The following MYB variants were observed in gnomAD, a reference collection of about 807,000 sequenced individuals.
MYB encodes the protein transcriptional activator Myb.
Under a neutral mutation model 92.9 loss-of-function variants are expected in MYB, and 28 were observed. The observed-to-expected ratio is 0.30, with a 90% CI of 0.22 to 0.41. The LOEUF (loss-of-function observed/expected upper bound fraction) is 0.41, where lower values mean the gene tolerates loss of function less well. Ranked by LOEUF, MYB falls within the 10% of genes least tolerant of loss-of-function variation. MYB has a pLI of 1.00. For synonymous variants in MYB, 295 were observed against 329.1 expected, an observed-to-expected ratio of 0.90 and a Z score of 1.12; for missense variants, 679 against 929.3, an observed-to-expected ratio of 0.73 and a Z score of 3.50.
chr6:135,210,750 A>T (rs1779593981), intron 15 of MYB, among the ~76,000 whole-genome samples: 1 of 152,172 alleles, frequency 6.6e-6, no homozygotes. Context: ...TTCACTCATC[A>T]CACAGGTTAC....
At chr6:135,205,229 CTT>C (rs1219667393) in intron 15 of MYB, among the ~76,000 whole-genome samples, 20 of 134,732 alleles carry the variant, frequency 1.5e-4, no homozygotes, top group Admixed American at 3.0e-4. Context: ...AAAGCTTTTG[CTT>C]TTTTTTTTTT....
At chr6:135,211,339 A>G (rs2128318016) in intron 15 of MYB, among the ~76,000 whole-genome samples, 1 of 151,964 alleles carries the variant, frequency 6.6e-6, no homozygotes, top group South Asian at 2.1e-4. Context: ...TAAATTAAGC[A>G]GCTTTTCTGT....
chr6:135,210,463 A>T (rs981067561), intron 15 of MYB, among the ~76,000 whole-genome samples: 1 of 152,262 alleles, frequency 6.6e-6, no homozygotes, highest in African/African-American at 2.4e-5. Context: ...CAAAGAATTT[A>T]AAAATGTTGC....
Position 135,197,089 on chromosome 6 carries a change from A to AG in MYB, c.1334dup (p.Glu446ArgfsTer3). 9.3e-6 allele frequency: 15 copies of AG among 1,614,054 alleles called. No individual in the cohort carries two copies. Among genetic ancestry groups the AG allele is most frequent in the Non-Finnish European group, 1.2e-5 (14 of 1,179,896 alleles). On this transcript the variant is annotated frameshift_variant, in exon 10 of 16. Coordinates refer to ENST00000341911, the MANE Select transcript of MYB (RefSeq NM_001130173.2). LOFTEE classifies it high-confidence loss of function. Reference sequence around the variant, plus strand: ...GAGAGGGCAATGGGACTAAACCTGCAGGAGAACCTAGCCCAAGGGTGAACA... The same window carrying AG: ...GAGAGGGCAATGGGACTAAACCTGCAGGGAGAACCTAGCCCAAGGGTGAACA...
chr6:135,218,485 A>G lies in MYB; in HGVS notation c.*505A>G, dbSNP rs948528579. 5.4e-6 allele frequency: 1 copy of G among 185,648 alleles called. No homozygotes were observed. The highest frequency in any genetic ancestry group is 2.3e-5 in the African/African-American group (1 of 42,726). The allele number at this position is 185,648 out of a possible 1,614,324, so 11.5% of individuals were successfully genotyped here. Reference sequence around the variant, plus strand: ...TGTAAATGCTCATTTATGGTTAATGACATTGAAGGTACATTTATTGTACCA... The same window carrying G: ...TGTAAATGCTCATTTATGGTTAATGGCATTGAAGGTACATTTATTGTACCA... On this transcript the variant is annotated 3_prime_UTR_variant, in exon 16 of 16. Coordinates refer to ENST00000341911, the MANE Select transcript of MYB (RefSeq NM_001130173.2).
intron 15 of MYB, among the ~76,000 whole-genome samples, chr6:135,217,214 C>T (rs1780571455): frequency 6.6e-6 from 1 of 151,896 alleles, no homozygotes; most frequent in Non-Finnish European, 1.5e-5. Context: ...ACAGAAAATA[C>T]AAAAATTAGT....
intron 9 of MYB, 167 bp from the exon 10 acceptor site, chr6:135,196,794 C>G: frequency 6.4e-7 from 1 of 1,559,060 alleles, no homozygotes; most frequent in South Asian, 1.1e-5. Context: ...CTAGACCCTG[C>G]TCTACTGCAG....
intron 8 of MYB, chr6:135,194,976 T>G: frequency 1.5e-6 from 2 of 1,339,388 alleles, no homozygotes; most frequent in Non-Finnish European, 2.0e-6. Context: ...GGGCCATTAC[T>G]GAATTCTGAC....
intron 15 of MYB, among the ~76,000 whole-genome samples, chr6:135,211,438 T>G (rs1779684388): frequency 6.6e-6 from 1 of 151,992 alleles, no homozygotes; most frequent in Non-Finnish European, 1.5e-5. Context: ...CCAGACATTT[T>G]GAGATGTGAA....
intron 7 of MYB, 54 bp from the exon 8 acceptor site, chr6:135,194,302 T>C: frequency 7.4e-7 from 1 of 1,355,452 alleles, no homozygotes; most frequent in Non-Finnish European, 1.0e-6. Flanking sequence ...ACCCATTGTA[T>C]TTGCAGCTTC....
In MYB at chr6:135,209,440, G is replaced by C. The variant is rs185515159; in HGVS notation, c.2169+6116G>C. 3.9e-3 allele frequency among the ~76,000 whole-genome samples: 588 copies of C among 152,170 alleles called. 1 individual carries two copies. Among genetic ancestry groups the C allele is most frequent in the Admixed American group, 6.0e-3 (92 of 15,282 alleles). ...GTAGAGACATGGTTTCACCATGTTG[G>C]CCAGGCCAGGCTCAAACTCCCAACC... On this transcript the variant is annotated intron_variant, in intron 15 of 15. Coordinates refer to ENST00000341911, the MANE Select transcript of MYB (RefSeq NM_001130173.2).
Position 135,218,249 on chromosome 6 carries a change from T to TAA in MYB, c.*269_*270insAA, listed in dbSNP as rs536173968. The TAA allele has an allele frequency of 6.1e-6, 2 of 329,714 alleles. No individual in the cohort carries two copies. The highest frequency in any genetic ancestry group is 1.1e-5 in the Non-Finnish European group (2 of 186,400). The allele number at this position is 329,714 out of a possible 1,614,324, so 20.4% of individuals were successfully genotyped here. A position where few individuals can be genotyped will look rare whatever the true frequency, so the allele number is the denominator to read the frequency against. On this transcript the variant is annotated 3_prime_UTR_variant, in exon 16 of 16. Transcript: ENST00000341911. ...TGTTAATATCTTAATGCAGATTTTTTTAAAAAAAACATAAAATGATTTATC... is the reference window on the plus strand; with the variant it reads ...TGTTAATATCTTAATGCAGATTTTTTAATAAAAAAAACATAAAATGATTTATC...
chr6:135,203,907 G>C (rs1778492199), intron 15 of MYB: 1 of 1,150,988 alleles, frequency 8.7e-7, no homozygotes, highest in African/African-American at 1.6e-5. Flanking sequence ...TAAAGTGGGT[G>C]TGTGTTGATG....
At chr6:135,196,927 A>C (rs771880822) in intron 9 of MYB, 34 bp from the exon 10 acceptor site, 72 of 1,597,780 alleles carry the variant, frequency 4.5e-5, no homozygotes, top group Non-Finnish European at 6.1e-5. Context: ...GGCACACACT[A>C]TCTCAAAGTT....
At chr6:135,193,812 G>T (rs774028816) in intron 6 of MYB, 26 bp from the exon 7 acceptor site, 3 of 1,532,842 alleles carry the variant, frequency 2.0e-6, no homozygotes, top group Non-Finnish European at 2.7e-6. Context: ...GAATGACGTG[G>T]CCTTTGTTTT....
intron 15 of MYB, among the ~76,000 whole-genome samples, chr6:135,206,821 A>G (rs1779009469): frequency 6.6e-6 from 1 of 152,224 alleles, no homozygotes; most frequent in South Asian, 2.1e-4. Context: ...AAATGAATGA[A>G]TGTTATACAC....
Position 135,195,735 on chromosome 6 carries a change from C to T in MYB, c.949-13C>T, listed in dbSNP as rs55944276. 204 of 1,613,288 alleles carry T rather than the reference C, an allele frequency of 1.3e-4. 2 individuals are homozygous for T. The East Asian group carries it at 4.4e-3, about 35-fold the overall frequency. ...GTCCTCTCTTTATTTCTACACCCTT[C>T]CCCCTTCCTTAGACACAGAACCACA... On this transcript the variant is annotated splice_polypyrimidine_tract_variant and intron_variant, in intron 8 of 15. Coordinates refer to ENST00000341911, the MANE Select transcript of MYB (RefSeq NM_001130173.2).
Position 135,203,252 on chromosome 6 carries a change from A to G in MYB, c.2097A>G (p.Ala699=). 6.2e-7 allele frequency: 1 copy of G among 1,611,214 alleles called. No homozygotes were observed. The highest frequency in any genetic ancestry group is 8.5e-7 in the Non-Finnish European group (1 of 1,177,492). ...CAAGCTCCGTTTTAATGGCACCAGC[A>G]TCAGAAGATGAAGACAATGTTCTCA... ...ILTSSVLMAP[A]SEDEDNVLKA... Residue 699 remains alanine, a synonymous_variant, in exon 15 of 16, where the codon GCA becomes GCG. Transcript: ENST00000341911.
chr6:135,204,795 C>T (rs1031574697), intron 15 of MYB, among the ~76,000 whole-genome samples: 7 of 152,034 alleles, frequency 4.6e-5, no homozygotes, highest in Admixed American at 2.0e-4. Context: ...GAGTTGGCCC[C>T]GTGTGGAGAA....
Sources: allele counts gnomAD v4.1 joint callset (sites outside exome capture counted in the v4.1 genomes callset), GRCh38; gene constraint gnomAD v4.1.1; transcripts MANE v1.5; gene names NCBI Gene and HGNC (gene_info 2026-07-23, HGNC 2026-07-21).